Variants in SMYD3 observed in about 807,000 individuals in gnomAD.
SMYD3 encodes SET and MYND domain containing 3.
A neutral mutation model predicts 57.7 loss-of-function variants in SMYD3; 36 were observed. The observed-to-expected ratio is 0.62, with a 90% CI of 0.48 to 0.82. The LOEUF is 0.82. Among genes scored for constraint, SMYD3 ranks in the 40% least tolerant of loss-of-function variants. The pLI, the probability that SMYD3 is intolerant of heterozygous loss-of-function variation, is 0.00. For synonymous variants in SMYD3, 211 were observed against 195.0 expected, an observed-to-expected ratio of 1.08 and a Z score of -0.68; for missense variants, 515 against 538.8, an observed-to-expected ratio of 0.96 and a Z score of 0.44.
chr1:246,390,021 A>G (rs2066532906), intron 1 of SMYD3, among the ~76,000 whole-genome samples: 1 of 152,058 alleles, frequency 6.6e-6, no homozygotes. Context: ...GCAAAACTCC[A>G]GGTCTTTATC....
At chr1:246,405,827 G>C (rs1402121511) in intron 1 of SMYD3, among the ~76,000 whole-genome samples, 2 of 150,186 alleles carry the variant, frequency 1.3e-5, no homozygotes, top group African/African-American at 4.9e-5. Context: ...GGAGAATGGC[G>C]TGAACCCAGG....
chr1:246,503,294 T>C (rs1408281658), intron 1 of SMYD3, among the ~76,000 whole-genome samples: 2 of 152,236 alleles, frequency 1.3e-5, no homozygotes, highest in South Asian at 2.1e-4. Context: ...TAATGCCAGA[T>C]GAGCTATTCT....
At chr1:246,351,310 A>G (rs1389643244) in intron 2 of SMYD3, among the ~76,000 whole-genome samples, 2 of 152,244 alleles carry the variant, frequency 1.3e-5, no homozygotes, top group Non-Finnish European at 2.9e-5. Context: ...AGAAATGTAT[A>G]TATTATCAAT....
At chr1:246,335,734 TGGA>T in intron 2 of SMYD3, among the ~76,000 whole-genome samples, 1 of 152,316 alleles carries the variant, frequency 6.6e-6, no homozygotes, top group Non-Finnish European at 1.5e-5. Flanking sequence ...ACCTGGCTAG[TGGA>T]GTCCAAAGAA....
At chr1:245,937,570 TTTCA>T (rs1315866450) in intron 5 of SMYD3, among the ~76,000 whole-genome samples, 1 of 152,212 alleles carries the variant, frequency 6.6e-6, no homozygotes, top group Non-Finnish European at 1.5e-5. Context: ...ATTTTCATTG[TTTCA>T]TTTTCTTCCC....
Position 246,199,569 on chromosome 1 carries a change from C to G in SMYD3, c.531+127632G>C, listed in dbSNP as rs369308586. Among the ~76,000 whole-genome samples, 8 of 152,200 alleles carry G rather than the reference C, an allele frequency of 5.3e-5. No individual in the cohort carries two copies. In the East Asian group the frequency reaches 1.5e-3, roughly 29 times the overall value. On this transcript the variant is annotated intron_variant, in intron 5 of 11. Coordinates refer to ENST00000490107, the MANE Select transcript of SMYD3 (RefSeq NM_001167740.2). The stretch of plus-strand genomic sequence containing the variant: ...CTTAGAGCAGTTACAGGGCTCTAAA[C>G]AGAAATTACTGGATACTCCCTCCCT...
At chr1:246,132,375 G>C (rs1015223361) in intron 5 of SMYD3, among the ~76,000 whole-genome samples, 1 of 152,060 alleles carries the variant, frequency 6.6e-6, no homozygotes, top group African/African-American at 2.4e-5. Flanking sequence ...TCTTTAACAA[G>C]AGTGCTAAGA....
chr1:245,825,315 C>A (rs2049420927), intron 10 of SMYD3, among the ~76,000 whole-genome samples: 1 of 152,238 alleles, frequency 6.6e-6, no homozygotes, highest in African/African-American at 2.4e-5. Context: ...GATGGCTCCA[C>A]ACCTTCGGCT....
chr1:245,934,921 T>C (rs987830313), intron 5 of SMYD3, among the ~76,000 whole-genome samples: 12 of 152,356 alleles, frequency 7.9e-5, no homozygotes, highest in African/African-American at 2.9e-4. Context: ...TTCACTACAC[T>C]GCTAGTCTTG....
At chr1:246,169,072 G>A (rs2062274793) in intron 5 of SMYD3, among the ~76,000 whole-genome samples, 2 of 152,022 alleles carry the variant, frequency 1.3e-5, no homozygotes, top group Non-Finnish European at 2.9e-5. Flanking sequence ...TGCTTCACTT[G>A]AATTCCTTAG....
chr1:246,491,917 T>A (rs1310077987), intron 1 of SMYD3, among the ~76,000 whole-genome samples: 2 of 152,216 alleles, frequency 1.3e-5, no homozygotes, highest in Admixed American at 6.5e-5. Flanking sequence ...TGTAATCATG[T>A]CTGAACGCAA....
chr1:245,936,115 A>C (rs2056968056), intron 5 of SMYD3, among the ~76,000 whole-genome samples: 1 of 152,232 alleles, frequency 6.6e-6, no homozygotes, highest in South Asian at 2.1e-4. Context: ...ACATTTACCA[A>C]AAATTCACAT....
At chr1:246,072,324 CACTGTGCTCACTGTCGCTGCATCG>C (rs1246431045) in intron 5 of SMYD3, among the ~76,000 whole-genome samples, 28 of 144,928 alleles carry the variant, frequency 1.9e-4, no homozygotes, top group East Asian at 4.0e-4. Context: ...GTGTGCTTTC[CACTGTGCTCACTGTCGCTGCATCG>C]TGTTAGTTCT....
In SMYD3 at chr1:245,953,389, T is replaced by C. The variant is rs566821817; in HGVS notation, c.532-23452A>G. On this transcript the variant is annotated intron_variant, in intron 5 of 11. Coordinates refer to ENST00000490107, the MANE Select transcript of SMYD3 (RefSeq NM_001167740.2). Reference sequence around the variant, plus strand: ...AATAAAAAGTGAGAAAAAGCAAACATAAAGTAAACTGGCTTAAAAGTAGGG... The same window carrying C: ...AATAAAAAGTGAGAAAAAGCAAACACAAAGTAAACTGGCTTAAAAGTAGGG... The C allele has an allele frequency of 4.2e-6, 4 of 963,028 alleles. No homozygotes were observed. In the South Asian group the frequency reaches 2.0e-4, roughly 47 times the overall value. 59.7% of individuals were successfully genotyped at this position (963,028 alleles called of 1,614,324 possible).
intron 5 of SMYD3, among the ~76,000 whole-genome samples, chr1:246,309,877 A>G (rs1209865710): frequency 6.6e-6 from 1 of 152,182 alleles, no homozygotes; most frequent in African/African-American, 2.4e-5. Flanking sequence ...AAGAAAAAAG[A>G]AAAAGATTTA....
chr1:246,017,882 G>C (rs550972972), intron 5 of SMYD3, among the ~76,000 whole-genome samples: 47 of 152,270 alleles, frequency 3.1e-4, no homozygotes, highest in African/African-American at 9.9e-4. Context: ...AATTGCCACA[G>C]ATTTGGCTAG....
intron 5 of SMYD3, among the ~76,000 whole-genome samples, chr1:246,220,979 TGA>T (rs750374362): frequency 1.6e-4 from 24 of 151,196 alleles, no homozygotes; most frequent in Non-Finnish European, 3.1e-4. Context: ...TCCTCTCTGC[TGA>T]GAGAACAGAC....
chr1:245,933,846 T>C (rs894982298), intron 5 of SMYD3, among the ~76,000 whole-genome samples: 1 of 152,202 alleles, frequency 6.6e-6, no homozygotes, highest in Non-Finnish European at 1.5e-5. Context: ...TAAGCCATTA[T>C]CTTGCAACGG....
At chr1:246,024,356 A>G (rs1233008231) in intron 5 of SMYD3, among the ~76,000 whole-genome samples, 1 of 150,008 alleles carries the variant, frequency 6.7e-6, no homozygotes, top group East Asian at 2.0e-4. Context: ...AGATACAGGA[A>G]GTGGACAGCA....
Sources: gnomAD v4.1 joint callset for allele counts (sites outside exome capture counted in the v4.1 genomes callset) on GRCh38, gnomAD v4.1.1 for gene constraint, MANE v1.5 for transcripts, NCBI Gene and HGNC (gene_info 2026-07-23, HGNC 2026-07-21) for gene names.